Variants in ALK observed in about 807,000 individuals in gnomAD.
ALK encodes the protein ALK tyrosine kinase receptor.
ALK carries 74 observed loss-of-function variants against 163.1 expected under a neutral mutation model. That is an observed-to-expected ratio of 0.45 (90% CI 0.38 to 0.55). The LOEUF is 0.55. ALK is among the 20% of genes least tolerant of loss of function. The probability of loss-of-function intolerance (pLI) is 0.00; values close to 1 mark genes in which losing one functional copy is unlikely to be tolerated. For missense variants in ALK, 2,063 were observed against 2,105.3 expected (o/e 0.98, Z 0.39); for synonymous variants, 960 against 843.2 (o/e 1.14, Z -2.40).
intron 10 of ALK, 39 bp downstream of exon 10, chr2:29,275,363 G>A (rs777924716): frequency 6.2e-7 from 1 of 1,611,530 alleles, no homozygotes; most frequent in Non-Finnish European, 8.5e-7. Flanking sequence ...TGGGCCATGG[G>A]GGTTGGGGGA....
chr2:29,580,691 G>A (rs1274205589), intron 3 of ALK, among the ~76,000 whole-genome samples: 1 of 152,236 alleles, frequency 6.6e-6, no homozygotes, highest in East Asian at 1.9e-4. Context: ...ACGCTAAACA[G>A]ATGTGGAGCG....
At chr2:29,642,033 C>A (rs1334620351) in intron 3 of ALK, among the ~76,000 whole-genome samples, 2 of 152,164 alleles carry the variant, frequency 1.3e-5, no homozygotes, top group East Asian at 3.9e-4. Flanking sequence ...GTATTTTGAA[C>A]CACTTGCTTG....
At chr2:29,766,869 C>T (rs1179959546) in intron 1 of ALK, among the ~76,000 whole-genome samples, 2 of 152,214 alleles carry the variant, frequency 1.3e-5, no homozygotes. Context: ...GTGCTGACAG[C>T]TTCTGAGTGT....
intron 3 of ALK, among the ~76,000 whole-genome samples, chr2:29,590,488 A>C (rs1458743652): frequency 1.3e-5 from 2 of 152,118 alleles, no homozygotes; most frequent in East Asian, 3.9e-4. Flanking sequence ...TCGTTTATAA[A>C]ACCCAGTGTT....
At chr2:29,407,562 T>G (rs1462684464) in intron 4 of ALK, among the ~76,000 whole-genome samples, 2 of 152,246 alleles carry the variant, frequency 1.3e-5, no homozygotes, top group East Asian at 3.8e-4. Context: ...TGCTCTTAAC[T>G]GTTACCTTTT....
intron 23 of ALK, among the ~76,000 whole-genome samples, chr2:29,217,606 T>C (rs12990658): frequency 0.11 from 16,610 of 152,232 alleles, 1,054 homozygotes; most frequent in Non-Finnish European, 0.12. Flanking sequence ...AGATGTTGTC[T>C]GAGGCCAGAG....
At chr2:29,885,562 CAA>C (rs34179501) in intron 1 of ALK, among the ~76,000 whole-genome samples, 23 of 133,028 alleles carry the variant, frequency 1.7e-4, no homozygotes, top group Middle Eastern at 3.9e-3. Flanking sequence ...ATGGATATGG[CAA>C]AAAAAAAAAA....
intron 8 of ALK, among the ~76,000 whole-genome samples, chr2:29,300,210 A>T (rs1243219722): frequency 1.5e-5 from 1 of 66,310 alleles, no homozygotes; most frequent in African/African-American, 3.4e-5. Flanking sequence ...GTATCTTGAG[A>T]TGCCCAAGAG....
rs1423710076 is a variant in ALK, at chr2:29,459,773, CAAT to C, written c.1154+72139_1154+72141del. Among the ~76,000 whole-genome samples, 3 of 152,088 alleles carry C rather than the reference CAAT, an allele frequency of 2.0e-5. No homozygotes were observed. The East Asian group carries it at 5.8e-4, about 29-fold the overall frequency. ...AGATAAAAACAGCTGAGGTCCCCAA[CAAT>C]ATCACTGAATGTCTAAAAAACATTT... On this transcript the variant is annotated intron_variant, in intron 4 of 28. Transcript: ENST00000389048.
intron 22 of ALK, 116 bp downstream of exon 22, chr2:29,222,228 G>T (rs897422939): frequency 1.1e-6 from 1 of 911,666 alleles, no homozygotes; most frequent in Non-Finnish European, 1.8e-6. Flanking sequence ...CTGGAGAAAA[G>T]GGGACATGCT....
At chr2:29,888,803 C>A (rs1223541348) in intron 1 of ALK, among the ~76,000 whole-genome samples, 1 of 152,184 alleles carries the variant, frequency 6.6e-6, no homozygotes, top group Admixed American at 6.5e-5. Flanking sequence ...AAGTTACATG[C>A]CAATTTCTAA....
chr2:29,509,347 G>T (rs773044788), intron 4 of ALK, among the ~76,000 whole-genome samples: 9 of 152,122 alleles, frequency 5.9e-5, no homozygotes, highest in Non-Finnish European at 1.2e-4. Context: ...AGATAGAAAG[G>T]CTTAAGGAGA....
chr2:29,591,070 C>CAAAA (rs35070273), intron 3 of ALK, among the ~76,000 whole-genome samples: 38 of 46,908 alleles, frequency 8.1e-4, no homozygotes, highest in African/African-American at 1.9e-3. Context: ...GACTCCGTCT[C>CAAAA]AAAAAAAAAA....
At chr2:29,361,368 A>G (rs1668384616) in intron 5 of ALK, among the ~76,000 whole-genome samples, 1 of 152,214 alleles carries the variant, frequency 6.6e-6, no homozygotes, top group Non-Finnish European at 1.5e-5. Flanking sequence ...GTCCAGAACC[A>G]TCCCACAGAG....
chr2:29,373,758 CCTGA>C (rs1392500360), intron 5 of ALK, among the ~76,000 whole-genome samples: 2 of 152,204 alleles, frequency 1.3e-5, no homozygotes, highest in East Asian at 1.9e-4. Flanking sequence ...CCTGCTTTGG[CCTGA>C]CTGTTTTGGA....
chr2:29,391,237 A>G (rs1445594925), intron 4 of ALK, among the ~76,000 whole-genome samples: 1 of 140,204 alleles, frequency 7.1e-6, no homozygotes, highest in African/African-American at 2.7e-5. Flanking sequence ...TTCCTTAATT[A>G]TTTTCTCATG....
chr2:29,909,648 C>T (rs1036769653), intron 1 of ALK, among the ~76,000 whole-genome samples: 1 of 152,158 alleles, frequency 6.6e-6, no homozygotes, highest in Non-Finnish European at 1.5e-5. Flanking sequence ...TATCAGGGAA[C>T]TGTAAGCCAA....
intron 4 of ALK, among the ~76,000 whole-genome samples, chr2:29,511,885 T>C (rs999337838): frequency 2.6e-5 from 4 of 152,196 alleles, no homozygotes; most frequent in Non-Finnish European, 5.9e-5. Flanking sequence ...ATATGTTTCA[T>C]GGCCATTTGT....
At chr2:29,700,063 C>T (rs1678686822) in intron 2 of ALK, among the ~76,000 whole-genome samples, 1 of 152,172 alleles carries the variant, frequency 6.6e-6, no homozygotes, top group Admixed American at 6.5e-5. Context: ...CTCTGAAGGT[C>T]AGTGATTCTA....
Sources: gnomAD v4.1 joint callset for allele counts (sites outside exome capture counted in the v4.1 genomes callset) on GRCh38, gnomAD v4.1.1 for gene constraint, MANE v1.5 for transcripts, NCBI Gene and HGNC (gene_info 2026-07-23, HGNC 2026-07-21) for gene names.